The following DMD variants were observed in gnomAD, a reference collection of about 807,000 sequenced individuals.
DMD encodes the protein dystrophin.
Under a neutral mutation model 330.1 loss-of-function variants are expected in DMD, and 63 were observed. The ratio of observed to expected loss-of-function variants is 0.19; its 90% CI spans 0.16 to 0.24. The LOEUF (loss-of-function observed/expected upper bound fraction) is 0.24. Among genes scored for constraint, DMD ranks in the 10% least tolerant of loss-of-function variants. The pLI is 1.00. For missense variants in DMD, 3,344 were observed against 2,684.1 expected (o/e 1.25, Z -5.43); for synonymous variants, 1,223 against 959.8 (o/e 1.27, Z -5.07).
intron 55 of DMD, among the ~76,000 whole-genome samples, chrX:31,536,254 T>A (rs1005994651): frequency 2.0e-4 from 22 of 111,739 alleles, no homozygotes; most frequent in African/African-American, 7.2e-4. Context: ...GGATTGATAA[T>A]AATAAGTAAG....
intron 44 of DMD, among the ~76,000 whole-genome samples, chrX:31,984,356 C>T (rs977037807): frequency 8.9e-6 from 1 of 112,148 alleles, no homozygotes; most frequent in African/African-American, 3.2e-5. Context: ...GAATGTCATG[C>T]TGACATGATT....
chrX:31,754,354 A>G (rs1332339056), intron 51 of DMD, among the ~76,000 whole-genome samples: 1 of 111,400 alleles, frequency 9.0e-6, no homozygotes, highest in Non-Finnish European at 1.9e-5. Context: ...TTTTGAATTC[A>G]GAGAAAATTA....
At chrX:32,310,471 G>C (rs1353966617) in intron 41 of DMD, among the ~76,000 whole-genome samples, 195 bp from the exon 42 acceptor site, 2 of 110,984 alleles carry the variant, frequency 1.8e-5, no homozygotes, top group Admixed American at 1.9e-4. Context: ...TTTCCAGAAA[G>C]TGTTAAAAGC....
At chrX:31,511,235 T>TATATAATAAATATA (rs780455382) in intron 55 of DMD, among the ~76,000 whole-genome samples, 1 of 102,688 alleles carries the variant, frequency 9.7e-6, no homozygotes, top group Non-Finnish European at 2.0e-5. Context: ...ATATACATTA[T>TATATAATAAATATA]ACATAATATA....
At position 32,658,378 on chromosome X, in the gene DMD, G is replaced by T. The variant is rs73451053; in HGVS notation, c.961-13226C>A. ...TTTTCTGTAAAGGGCTAGATAATAGGTATCTTCAATTTTGCAGACCACTAA... is the reference window on the plus strand; with the variant it reads ...TTTTCTGTAAAGGGCTAGATAATAGTTATCTTCAATTTTGCAGACCACTAA... On this transcript the variant is annotated intron_variant, in intron 9 of 78. Coordinates refer to ENST00000357033, the MANE Select transcript of DMD (RefSeq NM_004006.3). 4.8e-3 allele frequency among the ~76,000 whole-genome samples: 533 copies of T among 110,920 alleles called. 5 individuals carry two copies. The highest frequency in any genetic ancestry group is 0.016 in the African/African-American group (501 of 30,552).
At chrX:32,443,402 G>C (rs1248274237) in intron 27 of DMD, among the ~76,000 whole-genome samples, 2 of 110,993 alleles carry the variant, frequency 1.8e-5, no homozygotes, top group African/African-American at 6.5e-5. Context: ...TGCTTTAAAA[G>C]GTGATAGAAA....
intron 3 of DMD, among the ~76,000 whole-genome samples, chrX:32,846,785 C>G (rs1381879345): frequency 3.0e-5 from 3 of 101,680 alleles, no homozygotes; most frequent in African/African-American, 1.1e-4. Context: ...AGGCAGGTGG[C>G]TCATTGAGAT....
intron 41 of DMD, among the ~76,000 whole-genome samples, chrX:32,314,628 T>C (rs2097576599): frequency 9.0e-6 from 1 of 111,162 alleles, no homozygotes; most frequent in African/African-American, 3.3e-5. Flanking sequence ...GAGAAAACTT[T>C]TGCAATCTAT....
At chrX:31,825,795 G>A (rs770550742) in intron 49 of DMD, among the ~76,000 whole-genome samples, 22 of 111,682 alleles carry the variant, frequency 2.0e-4, no homozygotes, top group South Asian at 3.7e-4. Flanking sequence ...CTTAGGTTTC[G>A]TTCCTAATTC....
chrX:32,075,874 C>T (rs781596487), intron 44 of DMD, among the ~76,000 whole-genome samples: 57 of 106,929 alleles, frequency 5.3e-4, no homozygotes, highest in African/African-American at 1.9e-3. Flanking sequence ...CATGGTGAAA[C>T]CCCGTCTCCA....
chrX:33,145,536 C>A (rs975134868), intron 1 of DMD, among the ~76,000 whole-genome samples: 1 of 110,934 alleles, frequency 9.0e-6, no homozygotes, highest in Non-Finnish European at 1.9e-5. Context: ...TACAACTCAA[C>A]AATAGATAAG....
At chrX:31,395,179 C>A (rs758484428) in intron 60 of DMD, among the ~76,000 whole-genome samples, 3 of 111,656 alleles carry the variant, frequency 2.7e-5, no homozygotes, top group Admixed American at 1.9e-4. Flanking sequence ...CAGACTCTGC[C>A]ACTCAGGAAG....
At chrX:32,620,134 C>T (rs773483183) in intron 11 of DMD, among the ~76,000 whole-genome samples, 7 of 111,838 alleles carry the variant, frequency 6.3e-5, no homozygotes, top group Admixed American at 1.9e-4. Context: ...ATCTGCTAAA[C>T]AGAGTAACTA....
chrX:31,194,779 T>C (rs1279435872), intron 67 of DMD, among the ~76,000 whole-genome samples: 1 of 112,128 alleles, frequency 8.9e-6, no homozygotes, highest in Non-Finnish European at 1.9e-5. Flanking sequence ...TTAGTAACTG[T>C]GAAAGGGACA....
intron 17 of DMD, among the ~76,000 whole-genome samples, chrX:32,542,028 G>C (rs1229241332): frequency 9.0e-6 from 1 of 111,611 alleles, no homozygotes; most frequent in Non-Finnish European, 1.9e-5. Context: ...AATAGCTTTA[G>C]AGATATAAAG....
intron 55 of DMD, among the ~76,000 whole-genome samples, chrX:31,539,787 C>T (rs1672645709): frequency 8.9e-6 from 1 of 112,105 alleles, no homozygotes; most frequent in Admixed American, 9.5e-5. Flanking sequence ...GAGGTAACAA[C>T]TGGAATTGAT....
chrX:32,607,262 G>A (rs908472714), intron 12 of DMD, among the ~76,000 whole-genome samples: 4 of 110,307 alleles, frequency 3.6e-5, no homozygotes, highest in South Asian at 3.7e-4. Context: ...CATTTCTGAC[G>A]TATTCACATT....
At chrX:33,048,902 T>C (rs2094423552) in intron 1 of DMD, among the ~76,000 whole-genome samples, 1 of 110,466 alleles carries the variant, frequency 9.1e-6, no homozygotes, top group Admixed American at 9.7e-5. Flanking sequence ...GTGATTCCAA[T>C]CATTGGGGAT....
chrX:31,726,373 T>C (rs1478118217), intron 52 of DMD, among the ~76,000 whole-genome samples: 1 of 112,231 alleles, frequency 8.9e-6, no homozygotes, highest in Admixed American at 9.4e-5. Context: ...AGTTATGAAA[T>C]GGGATTTACC....
Sources: allele counts gnomAD v4.1 joint callset (sites outside exome capture counted in the v4.1 genomes callset), GRCh38; gene constraint gnomAD v4.1.1; transcripts MANE v1.5; gene names NCBI Gene and HGNC (gene_info 2026-07-23, HGNC 2026-07-21).